The following AGBL1 variants were observed in gnomAD, a reference collection of about 807,000 sequenced individuals.
AGBL1 encodes the protein cytosolic carboxypeptidase 4.
In AGBL1, 130 loss-of-function variants were observed where a neutral mutation model predicts 118.9. The ratio of observed to expected loss-of-function variants is 1.09; its 90% CI spans 0.95 to 1.26. The LOEUF (loss-of-function observed/expected upper bound fraction) is 1.26, where lower values mean the gene tolerates loss of function less well. Among genes scored for constraint, AGBL1 ranks in the 50% most tolerant of loss-of-function variants. The probability of loss-of-function intolerance (pLI) is 0.00; values close to 1 mark genes in which losing one functional copy is unlikely to be tolerated. For synonymous variants in AGBL1, 555 were observed against 478.9 expected, an observed-to-expected ratio of 1.16 and a Z score of -2.08; for missense variants, 1,584 against 1,298.1, an observed-to-expected ratio of 1.22 and a Z score of -3.38.
chr15:86,632,631 T>G (rs1286360228), intron 21 of AGBL1, among the ~76,000 whole-genome samples: 1 of 47,008 alleles, frequency 2.1e-5, no homozygotes, highest in South Asian at 9.8e-4. Context: ...TCTCATCATG[T>G]TTTTTTTTTT....
chr15:86,572,287 A>C (rs1203437172), intron 21 of AGBL1, among the ~76,000 whole-genome samples: 1 of 152,136 alleles, frequency 6.6e-6, no homozygotes, highest in East Asian at 1.9e-4. Flanking sequence ...CCGCTCTGCC[A>C]AATCAGAAGG....
chr15:86,394,355 G>A (rs971595293), intron 17 of AGBL1, among the ~76,000 whole-genome samples: 2 of 151,920 alleles, frequency 1.3e-5, no homozygotes, highest in Non-Finnish European at 1.5e-5. Flanking sequence ...TTAAGATAGC[G>A]GTTCTCAATT....
chr15:86,481,612 G>A (rs952977149), intron 18 of AGBL1, among the ~76,000 whole-genome samples: 8 of 152,118 alleles, frequency 5.3e-5, no homozygotes, highest in African/African-American at 1.9e-4. Context: ...CAGTTTTCCA[G>A]TCTTAAGAAC....
At chr15:86,561,390 C>T (rs974391851) in intron 21 of AGBL1, among the ~76,000 whole-genome samples, 2 of 152,204 alleles carry the variant, frequency 1.3e-5, no homozygotes, top group South Asian at 4.1e-4. Flanking sequence ...AGCCAGTTTT[C>T]CCAGCACCAT....
chr15:86,619,746 G>A (rs554244944), intron 21 of AGBL1, among the ~76,000 whole-genome samples: 1 of 152,314 alleles, frequency 6.6e-6, no homozygotes, highest in South Asian at 2.1e-4. Context: ...TGAAATAGAG[G>A]TACAATACCC....
chr15:86,625,387 T>TG (rs1423348047), intron 21 of AGBL1, among the ~76,000 whole-genome samples: 2 of 96,470 alleles, frequency 2.1e-5, no homozygotes, highest in African/African-American at 6.8e-5. Context: ...TTGTTTTTGT[T>TG]TTTTTTTTTT....
chr15:86,294,893 A>T (rs62015566), intron 16 of AGBL1, among the ~76,000 whole-genome samples: 5,044 of 152,118 alleles, frequency 0.033, 105 homozygotes, highest in Middle Eastern at 0.078. Flanking sequence ...ATTTCTCATG[A>T]TCCTCCCCCA....
At chr15:86,400,866 G>A (rs1379202967) in intron 18 of AGBL1, among the ~76,000 whole-genome samples, 1 of 151,800 alleles carries the variant, frequency 6.6e-6, no homozygotes, top group Admixed American at 6.6e-5. Context: ...CCACTCATAG[G>A]TTGATGGCAC....
chr15:86,828,562 A>G (rs899916714), intron 22 of AGBL1, among the ~76,000 whole-genome samples: 7 of 152,140 alleles, frequency 4.6e-5, no homozygotes, highest in African/African-American at 1.4e-4. Flanking sequence ...TACAAGCTGA[A>G]TAACACCAGG....
chr15:86,257,921 A>G lies in AGBL1; in HGVS notation c.902-43A>G, dbSNP rs376926549. ...AAAATCTAAATCCTAAATCCCGGGCAAAGGGGAAACTTCACTTATTTCACC... is the reference window on the plus strand; with the variant it reads ...AAAATCTAAATCCTAAATCCCGGGCGAAGGGGAAACTTCACTTATTTCACC... On this transcript the variant is annotated intron_variant, in intron 8 of 22. Coordinates refer to ENST00000614907, the MANE Select transcript of AGBL1 (RefSeq NM_001386094.1). The G allele has an allele frequency of 3.5e-5, 56 of 1,596,090 alleles. No homozygotes were observed. In the African/African-American group the frequency reaches 6.2e-4, roughly 18 times the overall value.
intron 21 of AGBL1, among the ~76,000 whole-genome samples, chr15:86,571,030 G>A (rs1407024272): frequency 1.3e-5 from 2 of 152,204 alleles, no homozygotes; most frequent in African/African-American, 4.8e-5. Context: ...AGGGTGGGCA[G>A]CTCCAGGTGC....
chr15:86,860,779 T>G (rs1264248041), intron 22 of AGBL1, among the ~76,000 whole-genome samples: 1 of 152,148 alleles, frequency 6.6e-6, no homozygotes, highest in Non-Finnish European at 1.5e-5. Flanking sequence ...AGCACATGTT[T>G]CTATGTTTCT....
chr15:86,906,425 C>T (rs2032280390), intron 22 of AGBL1, among the ~76,000 whole-genome samples: 1 of 152,208 alleles, frequency 6.6e-6, no homozygotes, highest in Non-Finnish European at 1.5e-5. Context: ...TGGGAAAGCA[C>T]AAACACTGTA....
rs79072327 is a variant in AGBL1 at position 86,988,089 on chromosome 15, G to A, written c.3323+1G>A. The A allele has an allele frequency of 1.2e-3, 1,907 of 1,613,002 alleles. 40 individuals carry two copies. The East Asian group carries it at 0.034, about 29-fold the overall frequency. On this transcript the variant is annotated splice_donor_variant, in intron 24 of 24. Coordinates refer to the AGBL1 transcript ENST00000441037. LOFTEE classifies it high-confidence loss of function. ...TGAACCTTCTTCTGCATGTCTCCCC[G>A]TGAGTATGTCAGTTTCCTGATTGTA...
At position 86,262,899 on chromosome 15, in the gene AGBL1, G is replaced by T. The variant is rs757272017; in HGVS notation, c.1086+5G>T. 5 of 1,586,780 alleles carry T rather than the reference G, an allele frequency of 3.2e-6. No homozygotes were observed. In the African/African-American group the frequency reaches 5.4e-5, roughly 17 times the overall value. On this transcript the variant is annotated splice_donor_5th_base_variant and intron_variant, in intron 10 of 22. Transcript: ENST00000614907. ...GAGCTCTCCTATAGCTTTGAGGTAG[G>T]ACATATGCTGTGGTTCTGATCTTTG...
chr15:86,343,426 T>A (rs1408819282), intron 17 of AGBL1, among the ~76,000 whole-genome samples: 2 of 152,176 alleles, frequency 1.3e-5, no homozygotes, highest in Admixed American at 1.3e-4. Context: ...GTCTTCCAGC[T>A]AGCCCCAGGA....
chr15:86,992,713 A>AT (rs201562207), intron 24 of AGBL1, among the ~76,000 whole-genome samples: 32,835 of 144,608 alleles, frequency 0.23, 3,691 homozygotes, highest in South Asian at 0.34. Context: ...GGAAGTCTGG[A>AT]TTTTTTTTTT....
chr15:86,437,593 G>A (rs771457302), intron 18 of AGBL1, among the ~76,000 whole-genome samples: 2 of 152,236 alleles, frequency 1.3e-5, no homozygotes, highest in East Asian at 3.9e-4. Context: ...TCTGTCACAA[G>A]CCCAGCTAAT....
chr15:86,198,703 C>T (rs1295834975), intron 5 of AGBL1, among the ~76,000 whole-genome samples: 3 of 151,498 alleles, frequency 2.0e-5, no homozygotes, highest in African/African-American at 7.3e-5. Context: ...TGTATGTGTG[C>T]ATGTGTTGAG....
Sources: allele counts gnomAD v4.1 joint callset (sites outside exome capture counted in the v4.1 genomes callset), GRCh38; gene constraint gnomAD v4.1.1; transcripts MANE v1.5; gene names NCBI Gene and HGNC (gene_info 2026-07-23, HGNC 2026-07-21).